Variants in KATNAL1 observed in about 807,000 individuals in gnomAD.
The protein encoded by KATNAL1 is katanin p60 ATPase-containing subunit A-like 1.
A neutral mutation model predicts 55.2 loss-of-function variants in KATNAL1; 32 were observed. The ratio of observed to expected loss-of-function variants is 0.58; its 90% confidence interval spans 0.44 to 0.78. The LOEUF is 0.78. Among genes scored for constraint, KATNAL1 ranks in the 30% least tolerant of loss-of-function variants. KATNAL1 has a pLI of 0.00. For missense variants in KATNAL1, 466 were observed against 600.9 expected (o/e 0.78, Z 2.35); for synonymous variants, 193 against 193.6 (o/e 1.00, Z 0.02).
At chr13:30,216,875 C>T (rs534100136) in intron 9 of KATNAL1, among the ~76,000 whole-genome samples, 5 of 152,290 alleles carry the variant, frequency 3.3e-5, no homozygotes, top group African/African-American at 1.2e-4. Flanking sequence ...TATTAGAATA[C>T]CACTGTATGT....
rs141737909 is a variant in KATNAL1 at position 30,287,062 on chromosome 13, C to CT, written c.-14-3272_-14-3271insA. 8.5e-3 allele frequency among the ~76,000 whole-genome samples: 1,295 copies of CT among 152,274 alleles called. 27 individuals carry two copies. The highest frequency in any genetic ancestry group is 0.03 in the African/African-American group (1,234 of 41,532). ...AACTAACTTGCTTTTGAAGCAGGCTCATAGGTGGAAGGAACTTGCCTTGTC... is the reference window on the plus strand; with the variant it reads ...AACTAACTTGCTTTTGAAGCAGGCTCTATAGGTGGAAGGAACTTGCCTTGTC... On this transcript the variant is annotated intron_variant, in intron 1 of 10. Coordinates refer to ENST00000380615, the MANE Select transcript of KATNAL1 (RefSeq NM_032116.5).
At position 30,204,909 on chromosome 13, in the gene KATNAL1, C is replaced by T. The variant is rs1190158157; in HGVS notation, c.*3631G>A. 6.6e-6 allele frequency: 1 copy of T among 152,048 alleles called. No homozygotes were observed. Among genetic ancestry groups the T allele is most frequent in the Non-Finnish European group, 1.5e-5 (1 of 67,996 alleles). The allele number at this position is 152,048 out of a possible 1,614,324, so 9.4% of individuals were successfully genotyped here. On this transcript the variant is annotated 3_prime_UTR_variant, in exon 11 of 11. Transcript: ENST00000380615. ...TAGATAAAGTCTGTGATGCCACCAT[C>T]TATTGTCTACTTGGATCACTAGAAG...
intron 9 of KATNAL1, among the ~76,000 whole-genome samples, chr13:30,218,256 G>T (rs1404426004): frequency 2.0e-5 from 3 of 150,024 alleles, no homozygotes; most frequent in Admixed American, 6.6e-5. Flanking sequence ...GTAATAGGAA[G>T]TCAGAGTCAC....
At chr13:30,265,139 C>T (rs1167138844) in intron 3 of KATNAL1, among the ~76,000 whole-genome samples, 369 of 150,174 alleles carry the variant, frequency 2.5e-3, no homozygotes, top group Non-Finnish European at 4.0e-3. Flanking sequence ...AACCAAACAC[C>T]GCATATTCTC....
rs141414552 is a variant in KATNAL1 at position 30,244,012 on chromosome 13, T to C, written c.493-2926A>G. On this transcript the variant is annotated intron_variant, in intron 4 of 10. Transcript: ENST00000380615. ...TTGTTCCATAGGTATACACGTGCCA[T>C]GGTCATTTGCTGCACCCATCAACCC... Among the ~76,000 whole-genome samples the C allele has an allele frequency of 4.7e-3, 718 of 152,188 alleles. 4 individuals are homozygous for C. The highest frequency in any genetic ancestry group is 0.016 in the African/African-American group (647 of 41,532).
At chr13:30,266,185 G>A (rs1879770219) in intron 3 of KATNAL1, among the ~76,000 whole-genome samples, 1 of 151,866 alleles carries the variant, frequency 6.6e-6, no homozygotes, top group Non-Finnish European at 1.5e-5. Context: ...GTATTTTTGT[G>A]GAGACAGGGT....
rs145458247 is a variant in KATNAL1 at position 30,221,552 on chromosome 13, C to G, written c.1147+5860G>C. Among the ~76,000 whole-genome samples the G allele has an allele frequency of 3.9e-5, 6 of 152,252 alleles. No individual in the cohort carries two copies. In the East Asian group the frequency reaches 1.2e-3, roughly 29 times the overall value. ...TGATTCAATTGCTAAAATTAGCTGA[C>G]AAAAACTATAAAGTGGTAGATTATC... On this transcript the variant is annotated intron_variant, in intron 9 of 10. Coordinates refer to ENST00000380615, the MANE Select transcript of KATNAL1 (RefSeq NM_032116.5).
At chr13:30,276,851 T>C (rs1254983124) in intron 3 of KATNAL1, among the ~76,000 whole-genome samples, 1 of 152,214 alleles carries the variant, frequency 6.6e-6, no homozygotes, top group Non-Finnish European at 1.5e-5. Flanking sequence ...CTCTGCTACT[T>C]TCTTGTTCAG....
intron 1 of KATNAL1, among the ~76,000 whole-genome samples, chr13:30,299,103 G>A (rs1019289980): frequency 8.5e-5 from 13 of 152,128 alleles, no homozygotes; most frequent in Non-Finnish European, 1.9e-4. Context: ...TGGGAGCCTG[G>A]AGACAATGAA....
In KATNAL1 at chr13:30,283,223, C is replaced by T. The variant is rs868716857; in HGVS notation, c.162+393G>A. Among the ~76,000 whole-genome samples, 5 of 136,800 alleles carry T rather than the reference C, an allele frequency of 3.7e-5. No individual in the cohort carries two copies. In the South Asian group the frequency reaches 7.1e-4, roughly 19 times the overall value. 89.7% of individuals were successfully genotyped at this position (136,800 alleles called of 152,430 possible). A position where few individuals can be genotyped will look rare whatever the true frequency, so the allele number is the denominator to read the frequency against. On this transcript the variant is annotated intron_variant, in intron 2 of 10. Coordinates refer to ENST00000380615, the MANE Select transcript of KATNAL1 (RefSeq NM_032116.5). The stretch of plus-strand genomic sequence containing the variant: ...CAGAGGTTGCAGTGAGCCGAGATTG[C>T]GCCACTGCACTCCGGCCTGGGCGAC...
At chr13:30,276,516 C>CAAA (rs35974864) in intron 3 of KATNAL1, among the ~76,000 whole-genome samples, 46 of 99,106 alleles carry the variant, frequency 4.6e-4, no homozygotes, top group African/African-American at 1.8e-3. Flanking sequence ...TGAGAGATGG[C>CAAA]AAAAAAAAAA....
At chr13:30,280,547 A>T (rs1881204051) in intron 2 of KATNAL1, among the ~76,000 whole-genome samples, 1 of 152,186 alleles carries the variant, frequency 6.6e-6, no homozygotes. Context: ...CATTCCAAGA[A>T]ATCTAAAATA....
intron 4 of KATNAL1, among the ~76,000 whole-genome samples, chr13:30,253,978 C>T (rs1217661313): frequency 2.0e-5 from 3 of 152,182 alleles, no homozygotes; most frequent in Non-Finnish European, 4.4e-5. Context: ...GATAGTAAGA[C>T]ACCTACTTCA....
chr13:30,289,038 A>G (rs2137548928), intron 1 of KATNAL1, among the ~76,000 whole-genome samples: 1 of 152,334 alleles, frequency 6.6e-6, no homozygotes, highest in South Asian at 2.1e-4. Flanking sequence ...TACTACCATC[A>G]GTTATAACAC....
At chr13:30,253,447 G>GA (rs967513136) in intron 4 of KATNAL1, among the ~76,000 whole-genome samples, 12 of 151,304 alleles carry the variant, frequency 7.9e-5, no homozygotes, top group East Asian at 5.8e-4. Flanking sequence ...TAATTTCCAG[G>GA]AAAAAAAATG....
intron 9 of KATNAL1, among the ~76,000 whole-genome samples, chr13:30,223,094 T>TAAAC (rs1184532756): frequency 2.2e-5 from 3 of 137,984 alleles, no homozygotes; most frequent in African/African-American, 8.1e-5. Context: ...GGCTCCGACT[T>TAAAC]AAACAAACAA....
At chr13:30,224,698 T>C in intron 9 of KATNAL1, among the ~76,000 whole-genome samples, 1 of 152,030 alleles carries the variant, frequency 6.6e-6, no homozygotes, top group East Asian at 1.9e-4. Flanking sequence ...AAGCAAAAAT[T>C]TGGTTATTTG....
chr13:30,283,830 C>G, intron 1 of KATNAL1, 39 bp from the exon 2 acceptor site: 1 of 1,388,118 alleles, frequency 7.2e-7, no homozygotes, highest in South Asian at 1.4e-5. Flanking sequence ...AAATTTTCAG[C>G]ACTGACTTTA....
At chr13:30,279,984 C>T in intron 3 of KATNAL1, 79 bp downstream of exon 3, 1 of 1,282,408 alleles carries the variant, frequency 7.8e-7, no homozygotes, top group Non-Finnish European at 1.1e-6. Flanking sequence ...AATAATTTTT[C>T]ATACTTTGTT....
Sources: allele counts gnomAD v4.1 joint callset (sites outside exome capture counted in the v4.1 genomes callset), GRCh38; gene constraint gnomAD v4.1.1; transcripts MANE v1.5; gene names NCBI Gene and HGNC (gene_info 2026-07-23, HGNC 2026-07-21).